The following SLC35F3 variants were observed in gnomAD, a reference collection of about 807,000 sequenced individuals.
SLC35F3 encodes solute carrier family 35 member F3, also known as putative thiamine transporter SLC35F3.
A neutral mutation model predicts 49.9 loss-of-function variants in SLC35F3; 25 were observed. The observed-to-expected ratio is 0.50, with a 90% confidence interval of 0.37 to 0.70. The LOEUF (loss-of-function observed/expected upper bound fraction) is 0.70, where lower values mean the gene tolerates loss of function less well. Among genes scored for constraint, SLC35F3 ranks in the 30% least tolerant of loss-of-function variants. The pLI, the probability that SLC35F3 is intolerant of heterozygous loss-of-function variation, is 0.00. For missense variants in SLC35F3, 525 were observed against 639.8 expected (o/e 0.82, Z 1.94); for synonymous variants, 275 against 265.4 (o/e 1.04, Z -0.35).
chr1:234,053,630 A>T (rs1029032202), intron 2 of SLC35F3, among the ~76,000 whole-genome samples: 5 of 152,138 alleles, frequency 3.3e-5, no homozygotes, highest in African/African-American at 1.2e-4. Context: ...TGGGGCATTT[A>T]GCCCATTTAC....
intron 2 of SLC35F3, among the ~76,000 whole-genome samples, chr1:233,940,082 C>T (rs969314814): frequency 2.6e-5 from 4 of 152,160 alleles, no homozygotes; most frequent in African/African-American, 4.8e-5. Context: ...TGGGCATCCA[C>T]ACTCAGTCAC....
At chr1:234,194,240 A>G (rs1450392143) in intron 2 of SLC35F3, among the ~76,000 whole-genome samples, 1 of 152,240 alleles carries the variant, frequency 6.6e-6, no homozygotes, top group African/African-American at 2.4e-5. Flanking sequence ...GGATAAACAC[A>G]TTGTTTATGG....
chr1:233,958,321 C>T (rs116794226), intron 2 of SLC35F3, among the ~76,000 whole-genome samples: 3 of 152,288 alleles, frequency 2.0e-5, no homozygotes, highest in African/African-American at 7.2e-5. Flanking sequence ...CACTTTTTCC[C>T]CAGCTAGACT....
intron 2 of SLC35F3, among the ~76,000 whole-genome samples, chr1:234,180,783 T>C (rs1666545165): frequency 6.6e-6 from 1 of 152,228 alleles, no homozygotes; most frequent in African/African-American, 2.4e-5. Flanking sequence ...GGAGGGAAGA[T>C]ACAGGAGATT....
chr1:233,999,793 C>A (rs1372788632), intron 2 of SLC35F3, among the ~76,000 whole-genome samples: 1 of 152,140 alleles, frequency 6.6e-6, no homozygotes, highest in Non-Finnish European at 1.5e-5. Context: ...AATTTCCTTT[C>A]TAGACTTTAA....
chr1:234,247,449 G>GGGTT (rs1232858944), intron 3 of SLC35F3, among the ~76,000 whole-genome samples: 4 of 149,452 alleles, frequency 2.7e-5, no homozygotes, highest in East Asian at 2.0e-4. Context: ...ATTGTTTGGT[G>GGGTT]GGTTGGTTGG....
chr1:234,311,555 A>G (rs997098457), intron 4 of SLC35F3, among the ~76,000 whole-genome samples: 4 of 152,230 alleles, frequency 2.6e-5, no homozygotes, highest in Non-Finnish European at 5.9e-5. Context: ...TAAGGCAATT[A>G]TTCAAACCAC....
intron 3 of SLC35F3, among the ~76,000 whole-genome samples, chr1:234,287,479 G>A (rs1023060882): frequency 4.6e-5 from 7 of 152,134 alleles, no homozygotes; most frequent in Non-Finnish European, 7.4e-5. Context: ...AGGGGTATAT[G>A]TACTTCCAAA....
intron 2 of SLC35F3, among the ~76,000 whole-genome samples, chr1:233,931,135 C>T (rs1662235921): frequency 6.6e-6 from 1 of 152,112 alleles, no homozygotes; most frequent in Admixed American, 6.6e-5. Context: ...CAAAAATCAA[C>T]TCAAGATGGA....
At chr1:233,918,790 CT>C (rs1662012213) in intron 2 of SLC35F3, among the ~76,000 whole-genome samples, 1 of 82,796 alleles carries the variant, frequency 1.2e-5, no homozygotes, top group African/African-American at 3.2e-5. Flanking sequence ...CTCTCTCTCT[CT>C]CTCTCTTTCT....
At chr1:234,154,539 G>T (rs9435509) in intron 2 of SLC35F3, among the ~76,000 whole-genome samples, 28,467 of 152,092 alleles carry the variant, frequency 0.19, 4,352 homozygotes, top group East Asian at 0.82. Flanking sequence ...ATGAGCCTGG[G>T]ATCTCTTATA....
intron 2 of SLC35F3, among the ~76,000 whole-genome samples, chr1:234,229,624 A>G (rs1210567138): frequency 6.6e-6 from 1 of 152,214 alleles, no homozygotes; most frequent in Non-Finnish European, 1.5e-5. Context: ...TATTACTGTG[A>G]AGCTGCATTT....
In SLC35F3 at chr1:233,909,979, G is replaced by C. The variant is rs377056931; in HGVS notation, c.283+4221G>C. ...ACTTTTTAGGTTTTCAGGATGGCCA[G>C]ATCGAGTAATCATCACCACTGGCAG... On this transcript the variant is annotated intron_variant, in intron 2 of 7. Coordinates refer to ENST00000366618, the MANE Select transcript of SLC35F3 (RefSeq NM_173508.4). Among the ~76,000 whole-genome samples, 10 of 152,300 alleles carry C rather than the reference G, an allele frequency of 6.6e-5. No individual in the cohort carries two copies. In the South Asian group the frequency reaches 2.1e-3, roughly 32 times the overall value.
intron 2 of SLC35F3, 98 bp downstream of exon 2, chr1:233,905,856 C>A: frequency 9.1e-7 from 1 of 1,101,644 alleles, no homozygotes; most frequent in Non-Finnish European, 1.3e-6. Context: ...CGTCCAGCCA[C>A]CCCCTCCCGC....
intron 2 of SLC35F3, among the ~76,000 whole-genome samples, chr1:234,210,315 A>G (rs2102939589): frequency 6.6e-6 from 1 of 152,280 alleles, no homozygotes; most frequent in East Asian, 1.9e-4. Context: ...GTAAATTGGT[A>G]CCAGTAAAGT....
At chr1:234,110,003 G>A (rs961765494) in intron 2 of SLC35F3, among the ~76,000 whole-genome samples, 2 of 152,142 alleles carry the variant, frequency 1.3e-5, no homozygotes, top group Non-Finnish European at 2.9e-5. Context: ...CTAGGAAAGT[G>A]AAGGACGGAA....
At chr1:234,187,438 G>A (rs909934663) in intron 2 of SLC35F3, among the ~76,000 whole-genome samples, 3 of 152,208 alleles carry the variant, frequency 2.0e-5, no homozygotes, top group Non-Finnish European at 4.4e-5. Context: ...CACTCGGATG[G>A]ATAGAGCAGC....
chr1:233,966,314 A>T (rs994821664), intron 2 of SLC35F3, among the ~76,000 whole-genome samples: 1 of 152,216 alleles, frequency 6.6e-6, no homozygotes, highest in Non-Finnish European at 1.5e-5. Context: ...ATCAGACCTA[A>T]TCAGGACAGG....
intron 3 of SLC35F3, among the ~76,000 whole-genome samples, chr1:234,252,395 T>G (rs1667751620): frequency 6.6e-6 from 1 of 152,132 alleles, no homozygotes; most frequent in Non-Finnish European, 1.5e-5. Context: ...TAAAAATGCT[T>G]AAAGACTACT....
Sources: gnomAD v4.1 joint callset for allele counts (sites outside exome capture counted in the v4.1 genomes callset) on GRCh38, gnomAD v4.1.1 for gene constraint, MANE v1.5 for transcripts, NCBI Gene and HGNC (gene_info 2026-07-23, HGNC 2026-07-21) for gene names.